FGGY: variants seen among roughly 807,000 people sequenced by gnomAD.
FGGY encodes the protein FGGY carbohydrate kinase domain containing.
FGGY carries 72 observed loss-of-function variants against 71.3 expected under a neutral mutation model. The observed-to-expected ratio is 1.01, with a 90% CI of 0.84 to 1.23. The LOEUF (loss-of-function observed/expected upper bound fraction) is 1.23, where lower values mean the gene tolerates loss of function less well. Among genes scored for constraint, FGGY ranks in the 50% most tolerant of loss-of-function variants. The pLI, the probability that FGGY is intolerant of heterozygous loss-of-function variation, is 0.00. For synonymous variants in FGGY, 251 were observed against 250.3 expected, an observed-to-expected ratio of 1.00 and a Z score of -0.02; for missense variants, 668 against 682.3, an observed-to-expected ratio of 0.98 and a Z score of 0.23.
At chr1:59,373,837 GA>G (rs2058160084) in intron 4 of FGGY, among the ~76,000 whole-genome samples, 1 of 152,198 alleles carries the variant, frequency 6.6e-6, no homozygotes, top group African/African-American at 2.4e-5. Flanking sequence ...ATGGTGCTGG[GA>G]AAACTGGCTA....
chr1:59,418,915 A>C (rs1249021456), intron 5 of FGGY, among the ~76,000 whole-genome samples: 2 of 152,192 alleles, frequency 1.3e-5, no homozygotes, highest in East Asian at 1.9e-4. Flanking sequence ...CAGCAGGCAC[A>C]TTTGGGCTAC....
chr1:59,306,214 A>C (rs552210016), intron 1 of FGGY, among the ~76,000 whole-genome samples: 1 of 152,280 alleles, frequency 6.6e-6, no homozygotes, highest in Non-Finnish European at 1.5e-5. Flanking sequence ...ATTCAACTAG[A>C]ATTTTTGAGG....
chr1:59,372,767 A>G (rs2057915844), intron 4 of FGGY, among the ~76,000 whole-genome samples: 1 of 152,196 alleles, frequency 6.6e-6, no homozygotes, highest in Middle Eastern at 3.2e-3. Context: ...ACGCAAATCA[A>G]TAAATGTAAT....
In FGGY at chr1:59,616,593, G is replaced by C. The variant is rs140520207; in HGVS notation, c.1011+8683G>C. Among the ~76,000 whole-genome samples the C allele has an allele frequency of 6.2e-3, 943 of 152,066 alleles. 15 individuals are homozygous for C. Among genetic ancestry groups the C allele is most frequent in the African/African-American group, 0.022 (892 of 41,472 alleles). ...ACATGTATACATATGTAACAAACCT[G>C]CAGGTTGTGCACATGTACCCTAAAA... On this transcript the variant is annotated intron_variant, in intron 9 of 15. Coordinates refer to ENST00000303721, the MANE Select transcript of FGGY (RefSeq NM_018291.5).
intron 6 of FGGY, among the ~76,000 whole-genome samples, chr1:59,461,431 A>G (rs2092203686): frequency 6.6e-6 from 1 of 152,238 alleles, no homozygotes; most frequent in Non-Finnish European, 1.5e-5. Flanking sequence ...TGAGAAGACC[A>G]TATCTACATT....
At chr1:59,618,747 AAGAG>A (rs573306864) in intron 9 of FGGY, among the ~76,000 whole-genome samples, 1 of 151,438 alleles carries the variant, frequency 6.6e-6, no homozygotes, top group Non-Finnish European at 1.5e-5. Flanking sequence ...CTTAGAGAGA[AAGAG>A]AGAGAGAGAG....
chr1:59,320,440 A>G (rs2046189982), intron 1 of FGGY, among the ~76,000 whole-genome samples: 2 of 152,274 alleles, frequency 1.3e-5, no homozygotes, highest in South Asian at 4.1e-4. Context: ...GCTCACCTGG[A>G]GAGTTGTAGG....
intron 11 of FGGY, among the ~76,000 whole-genome samples, chr1:59,649,233 G>T (rs1405364482): frequency 2.0e-5 from 3 of 146,610 alleles, no homozygotes; most frequent in Admixed American, 1.4e-4. Flanking sequence ...GGCAATGCGG[G>T]CTCTTTTTTG....
intron 4 of FGGY, among the ~76,000 whole-genome samples, chr1:59,349,755 A>T (rs2052866458): frequency 6.6e-6 from 1 of 151,998 alleles, no homozygotes; most frequent in African/African-American, 2.4e-5. Context: ...AATTAAAGAG[A>T]TTTCTAAAGT....
intron 6 of FGGY, among the ~76,000 whole-genome samples, chr1:59,472,399 T>C (rs2093000741): frequency 1.3e-5 from 2 of 152,120 alleles, no homozygotes; most frequent in African/African-American, 4.8e-5. Flanking sequence ...GGCCCGAGCC[T>C]CCCTGACGAG....
At chr1:59,757,838 A>G in intron 14 of FGGY, 93 bp from the exon 15 acceptor site, 1 of 822,470 alleles carries the variant, frequency 1.2e-6, no homozygotes, top group Non-Finnish European at 2.0e-6. Context: ...CTTAAAGGGA[A>G]GCAAATTCAA....
chr1:59,465,759 C>G (rs1040614759), intron 6 of FGGY, among the ~76,000 whole-genome samples: 12 of 152,230 alleles, frequency 7.9e-5, no homozygotes, highest in Admixed American at 7.8e-4. Context: ...TTCACAATTG[C>G]TACAAAGAGA....
Position 59,378,761 on chromosome 1 carries a change from A to G in FGGY, c.478A>G (p.Ile160Val), listed in dbSNP as rs911516147. The G allele has an allele frequency of 1.2e-6, 2 of 1,613,208 alleles. No homozygotes were observed. The highest frequency in any genetic ancestry group is 2.7e-5 in the African/African-American group (2 of 74,838). Reference sequence around the variant, plus strand: ...TTTAATTTGGCAGAACTTGAGAGAGATTTGCTGGGATAAGGCGGGACATTT... The same window carrying G: ...TTTAATTTGGCAGAACTTGAGAGAGGTTTGCTGGGATAAGGCGGGACATTT... ...LLWLKENLRE[I>V]CWDKAGHFFD... Residue 160 changes from isoleucine (I) to valine (V), a missense_variant, in exon 5 of 16, where the codon ATT (isoleucine) becomes GTT (valine). Ile to Val is a conservative substitution (Grantham distance 29). Around this residue, in one of 2 missense-constraint regions of FGGY, gnomAD observed 661 missense variants for 661.6 expected, o/e 1.00. Coordinates refer to ENST00000303721, the MANE Select transcript of FGGY (RefSeq NM_018291.5).
chr1:59,626,233 C>G (rs895016456), intron 10 of FGGY, 184 bp downstream of exon 10: 3 of 530,584 alleles, frequency 5.7e-6, no homozygotes, highest in Middle Eastern at 2.8e-4. Flanking sequence ...GGTAAGAGAA[C>G]TTAGAGAACC....
Position 59,304,654 on chromosome 1 carries a change from G to A in FGGY, c.-15+7504G>A, listed in dbSNP as rs538910073. On this transcript the variant is annotated intron_variant, in intron 1 of 15. Coordinates refer to ENST00000303721, the MANE Select transcript of FGGY (RefSeq NM_018291.5). ...TTACTTTGAATCTGCAGATCACTTT[G>A]AGTAGTATGGTTATTTTAGCAATAT... Among the ~76,000 whole-genome samples the A allele has an allele frequency of 1.4e-4, 22 of 151,946 alleles. No individual in the cohort carries two copies. The South Asian group carries it at 4.2e-3, about 29-fold the overall frequency.
At chr1:59,305,154 T>G (rs919671126) in intron 1 of FGGY, among the ~76,000 whole-genome samples, 42 of 152,186 alleles carry the variant, frequency 2.8e-4, no homozygotes, top group Non-Finnish European at 6.0e-4. Context: ...AAGGAAAAGC[T>G]TTCGGCTTTT....
intron 14 of FGGY, 117 bp from the exon 15 acceptor site, chr1:59,757,814 G>A (rs2098306219): frequency 1.6e-6 from 1 of 624,676 alleles, no homozygotes; most frequent in South Asian, 2.2e-5. Context: ...AAAAAAAGAG[G>A]ACTAACCAAA....
At chr1:59,621,486 T>C (rs2096806893) in intron 9 of FGGY, among the ~76,000 whole-genome samples, 1 of 148,808 alleles carries the variant, frequency 6.7e-6, no homozygotes, top group Non-Finnish European at 1.5e-5. Context: ...AAAAAGAACT[T>C]GTCTTAGCAT....
At position 59,499,299 on chromosome 1, in the gene FGGY, G is replaced by GTTT. The variant is rs58170089; in HGVS notation, c.671-12998_671-12996dup. Among the ~76,000 whole-genome samples, 21 of 105,816 alleles carry GTTT rather than the reference G, an allele frequency of 2.0e-4. 2 individuals carry two copies. The highest frequency in any genetic ancestry group is 6.1e-3 in the Middle Eastern group (1 of 164). The allele number at this position is 105,816 out of a possible 152,430, so 69.4% of individuals were successfully genotyped here. On this transcript the variant is annotated intron_variant, in intron 6 of 15. Coordinates refer to ENST00000303721, the MANE Select transcript of FGGY (RefSeq NM_018291.5). ...ACTGAACCCTATGTATACTATGTTT[G>GTTT]TTTTTTTTTTTTTTTTGATCTGGTA...
Sources: allele counts gnomAD v4.1 joint callset (sites outside exome capture counted in the v4.1 genomes callset), GRCh38; gene constraint gnomAD v4.1.1; regional missense constraint gnomAD v4.1.1; transcripts MANE v1.5; gene names NCBI Gene and HGNC (gene_info 2026-07-23, HGNC 2026-07-21).